The following CRIP1 variants were observed in gnomAD, a reference collection of about 807,000 sequenced individuals.
CRIP1 encodes cysteine rich protein 1.
A neutral mutation model predicts 12.9 loss-of-function variants in CRIP1; 11 were observed. The observed-to-expected ratio is 0.86, with a 90% confidence interval of 0.54 to 1.42. The LOEUF is 1.42. CRIP1 is among the 40% of genes most tolerant of loss of function. The pLI, the probability that CRIP1 is intolerant of heterozygous loss-of-function variation, is 0.00. For missense variants in CRIP1, 122 were observed against 101.3 expected (o/e 1.20, Z -0.88); for synonymous variants, 41 against 37.2 (o/e 1.10, Z -0.37).
In CRIP1 at chr14:105,488,204, C is replaced by A; in HGVS notation, c.79C>A (p.Pro27Thr). Residue 27 changes from proline (P) to threonine (T), a missense_variant, in exon 3 of 6, where the codon CCC becomes ACC. By Grantham distance (38) the Pro-to-Thr change is conservative. Coordinates refer to ENST00000392531, the MANE Select transcript of CRIP1 (RefSeq NM_001311.5). ...CTCTCTGGGCAAGGACTGGCATCGG[C>A]CCTGCCTGAAGTGCGAGAAATGTGG... ...VTSLGKDWHR[P>T]CLKCEKCGKT... The A allele has an allele frequency of 6.2e-7, 1 of 1,613,256 alleles. No individual in the cohort carries two copies. Among genetic ancestry groups the A allele is most frequent in the South Asian group, 1.1e-5 (1 of 91,082 alleles).
chr14:105,488,322 T>C lies in CRIP1; in HGVS notation c.136-9T>C. On this transcript the variant is annotated splice_polypyrimidine_tract_variant and intron_variant, in intron 3 of 5. Coordinates refer to ENST00000392531, the MANE Select transcript of CRIP1 (RefSeq NM_001311.5). ...TGATGGCACCCCCTCACGGCCCTTC[T>C]CTTTGCAGCACGAAGGCAAACCCTA... 1 of 1,613,494 alleles carries C rather than the reference T, an allele frequency of 6.2e-7. No individual in the cohort carries two copies. Among genetic ancestry groups the C allele is most frequent in the Non-Finnish European group, 8.5e-7 (1 of 1,180,004 alleles).
intron 4 of CRIP1, 41 bp from the exon 5 acceptor site, chr14:105,488,430 C>T (rs1368645005): frequency 6.3e-7 from 1 of 1,599,060 alleles, no homozygotes; most frequent in African/African-American, 1.3e-5. Context: ...CCCACAGCCT[C>T]CTCCACCCCA....
At chr14:105,488,074 G>T in intron 2 of CRIP1, 92 bp from the exon 3 acceptor site, 1 of 1,386,742 alleles carries the variant, frequency 7.2e-7, no homozygotes, top group African/African-American at 1.4e-5. Flanking sequence ...ACAGGGCCTT[G>T]GGCAGAGCTG....
intron 2 of CRIP1, 42 bp downstream of exon 2, chr14:105,487,341 C>A: frequency 6.6e-7 from 1 of 1,516,474 alleles, no homozygotes; most frequent in Non-Finnish European, 8.9e-7. Flanking sequence ...GCGCCGCCGA[C>A]GGGGCGACGA....
At position 105,488,345 on chromosome 14, in the gene CRIP1, C is replaced by T. The variant is rs1128308; in HGVS notation, c.150C>T (p.Pro50=). 6.2e-7 allele frequency: 1 copy of T among 1,613,344 alleles called. No individual in the cohort carries two copies. Among genetic ancestry groups the T allele is most frequent in the Admixed American group, 1.7e-5 (1 of 60,022 alleles). ...TCTCTTTGCAGCACGAAGGCAAACC[C>T]TACTGCAACCACCCCTGCTACGCAG... ...SGGHAEHEGK[P]YCNHPCYAAM... The change falls in exon 4 of 6, where the codon CCC becomes CCT. Residue 50 remains proline (P), a synonymous_variant. Transcript: ENST00000392531.
chr14:105,486,890 T>C lies in CRIP1; in HGVS notation c.-144T>C. The C allele has an allele frequency of 9.4e-7, 1 of 1,062,654 alleles. No individual in the cohort carries two copies. Among genetic ancestry groups the C allele is most frequent in the Non-Finnish European group, 1.1e-6 (1 of 879,918 alleles). 65.8% of individuals were successfully genotyped at this position (1,062,654 alleles called of 1,614,324 possible). On this transcript the variant is annotated 5_prime_UTR_variant, in exon 1 of 6. Transcript: ENST00000392531. The stretch of plus-strand genomic sequence containing the variant: ...CGTTTCCTGCTGCGGGTGAGCCTTT[T>C]GCCTCGGAACTGGACCCGGGAGACA...
chr14:105,488,609 C>G (rs1248827033), intron 5 of CRIP1, 54 bp from the exon 6 acceptor site: 1 of 1,314,878 alleles, frequency 7.6e-7, no homozygotes, highest in Non-Finnish European at 1.1e-6. Context: ...TCGTGGGCCC[C>G]AAAGGAGGCC....
chr14:105,487,900 C>T (rs1321928278), intron 2 of CRIP1: 1 of 519,658 alleles, frequency 1.9e-6, no homozygotes, highest in African/African-American at 1.9e-5. Flanking sequence ...CCCCACCCAG[C>T]CTTCAGGAGC....
chr14:105,488,078 A>G, intron 2 of CRIP1, 88 bp from the exon 3 acceptor site: 1 of 1,420,232 alleles, frequency 7.0e-7, no homozygotes, highest in Non-Finnish European at 9.7e-7. Context: ...GGCCTTGGGC[A>G]GAGCTGGCTG....
Position 105,488,517 on chromosome 14 carries a change from G to A in CRIP1, c.*5+1G>A. The A allele has an allele frequency of 6.3e-7, 1 of 1,588,864 alleles. No homozygotes were observed. Among genetic ancestry groups the A allele is most frequent in the Non-Finnish European group, 8.6e-7 (1 of 1,166,834 alleles). Reference sequence around the variant, plus strand: ...AGAGCCACACTTTCAAGTAAACCAGGTAGGTAGGACCCCACCCCCTATCCT... The same window carrying A: ...AGAGCCACACTTTCAAGTAAACCAGATAGGTAGGACCCCACCCCCTATCCT... On this transcript the variant is annotated splice_donor_variant, in intron 5 of 5. Transcript: ENST00000392531. LOFTEE classifies it low-confidence loss of function (3UTR_SPLICE).
At chr14:105,488,142 C>T (rs782686330) in intron 2 of CRIP1, 24 bp from the exon 3 acceptor site, 31 of 1,606,748 alleles carry the variant, frequency 1.9e-5, no homozygotes, top group South Asian at 8.8e-5. Context: ...AGCGTCTCAC[C>T]GGGGCCTGTC....
In CRIP1 at chr14:105,488,234, A is replaced by G; in HGVS notation, c.109A>G (p.Thr37Ala). 1.9e-6 allele frequency: 3 copies of G among 1,613,356 alleles called. No homozygotes were observed. Among genetic ancestry groups the G allele is most frequent in the South Asian group, 1.1e-5 (1 of 91,080 alleles). ...PCLKCEKCGK[T>A]LTSGGHAEHE... ...CCTGAAGTGCGAGAAATGTGGGAAGACGCTGACCTCTGGGGGCCACGCTGA... is the reference window on the plus strand; with the variant it reads ...CCTGAAGTGCGAGAAATGTGGGAAGGCGCTGACCTCTGGGGGCCACGCTGA... Residue 37 changes from threonine (T) to alanine (A), a missense_variant, in exon 3 of 6, where the codon ACG (threonine) becomes GCG (alanine). Physicochemically the swap from Thr to Ala is moderately conservative, Grantham distance 58. Transcript: ENST00000392531.
chr14:105,487,110 G>T (rs1360074296), intron 1 of CRIP1, 89 bp from the exon 2 acceptor site: 31 of 1,406,598 alleles, frequency 2.2e-5, no homozygotes, highest in Non-Finnish European at 2.5e-5. Flanking sequence ...CAAGTCCTGG[G>T]TTCAGAGGGC....
intron 1 of CRIP1, 95 bp from the exon 2 acceptor site, chr14:105,487,104 T>C (rs964815802): frequency 2.9e-6 from 4 of 1,386,128 alleles, no homozygotes. Flanking sequence ...AGGGTCCAAG[T>C]CCTGGGTTCA....
At position 105,488,823 on chromosome 14, in the gene CRIP1, G is replaced by C. The variant is rs2084155244; in HGVS notation, c.*166G>C. The C allele has an allele frequency of 9.5e-6, 4 of 419,310 alleles. No homozygotes were observed. The highest frequency in any genetic ancestry group is 1.7e-5 in the Non-Finnish European group (4 of 232,420). The allele number at this position is 419,310 out of a possible 1,614,324, so 26.0% of individuals were successfully genotyped here. On this transcript the variant is annotated 3_prime_UTR_variant, in exon 6 of 6. Transcript: ENST00000392531. The stretch of plus-strand genomic sequence containing the variant: ...TGTACATGCGCGTGTGTGCTGGGGA[G>C]TGCCAAGGGAGCTGCAGTGGGGTCC...
intron 2 of CRIP1, chr14:105,487,601 C>G (rs1001839283): frequency 1.0e-4 from 36 of 349,204 alleles, no homozygotes; most frequent in African/African-American, 7.5e-4. Flanking sequence ...GAGTGGGGGA[C>G]CCGCAGGGCT....
chr14:105,488,593 G>T, intron 5 of CRIP1, 70 bp from the exon 6 acceptor site: 1 of 1,451,378 alleles, frequency 6.9e-7, no homozygotes, highest in South Asian at 1.3e-5. Context: ...AGGGAGGCCT[G>T]ACCACTCGTG....
intron 2 of CRIP1, 56 bp from the exon 3 acceptor site, chr14:105,488,110 G>T (rs955642636): frequency 3.9e-6 from 6 of 1,556,278 alleles, no homozygotes; most frequent in Admixed American, 1.7e-5. Flanking sequence ...TACGCCAGTG[G>T]TGGGTAGGCG....
intron 2 of CRIP1, 117 bp downstream of exon 2, chr14:105,487,416 C>G: frequency 1.1e-6 from 1 of 878,262 alleles, no homozygotes; most frequent in Non-Finnish European, 1.7e-6. Flanking sequence ...AGCCTGAAAA[C>G]GCCTCAGCCT....
Sources: allele counts gnomAD v4.1 joint callset, GRCh38; gene constraint gnomAD v4.1.1; transcripts MANE v1.5; gene names NCBI Gene and HGNC (gene_info 2026-07-23, HGNC 2026-07-21).